The following DMRT1 variants were observed in gnomAD, a reference collection of about 807,000 sequenced individuals.
The protein encoded by DMRT1 is doublesex- and mab-3-related transcription factor 1.
A neutral mutation model predicts 32.3 loss-of-function variants in DMRT1; 7 were observed. The ratio of observed to expected loss-of-function variants is 0.22; its 90% CI spans 0.12 to 0.41. The LOEUF (loss-of-function observed/expected upper bound fraction) is 0.41, where lower values mean the gene tolerates loss of function less well. DMRT1 is among the 10% of genes least tolerant of loss of function. The pLI, the probability that DMRT1 is intolerant of heterozygous loss-of-function variation, is 1.00. For synonymous variants in DMRT1, 278 were observed against 206.1 expected, an observed-to-expected ratio of 1.35 and a Z score of -2.99; for missense variants, 625 against 500.5, an observed-to-expected ratio of 1.25 and a Z score of -2.37.
At chr9:913,650 T>C (rs1030663229) in intron 3 of DMRT1, among the ~76,000 whole-genome samples, 19 of 152,088 alleles carry the variant, frequency 1.2e-4, no homozygotes, top group African/African-American at 4.3e-4. Flanking sequence ...ATCTCAGCAC[T>C]TTGGGATGCC....
At chr9:921,191 A>G (rs759291039) in intron 4 of DMRT1, among the ~76,000 whole-genome samples, 1 of 151,912 alleles carries the variant, frequency 6.6e-6, no homozygotes, top group East Asian at 1.9e-4. Flanking sequence ...GTAATCACTA[A>G]TCTGCTTTCT....
rs376663377 is a variant in DMRT1, at chr9:861,985, A to G, written c.538+14842A>G. On this transcript the variant is annotated intron_variant, in intron 2 of 4. Transcript: ENST00000382276. Reference sequence around the variant, plus strand: ...CGCTCCTCACTTCCTAGACGGGATGACGGCCGGGAAGAGGTGCTCCTCACT... The same window carrying G: ...CGCTCCTCACTTCCTAGACGGGATGGCGGCCGGGAAGAGGTGCTCCTCACT... Among the ~76,000 whole-genome samples the G allele has an allele frequency of 3.1e-4, 39 of 126,578 alleles. 1 individual carries two copies. The South Asian group carries it at 6.9e-3, about 22-fold the overall frequency. The allele number at this position is 126,578 out of a possible 152,430, so 83.0% of individuals were successfully genotyped here. A position where few individuals can be genotyped will look rare whatever the true frequency, so the allele number is the denominator to read the frequency against.
chr9:921,944 A>G (rs911296849), intron 4 of DMRT1, among the ~76,000 whole-genome samples: 2 of 152,194 alleles, frequency 1.3e-5, no homozygotes, highest in African/African-American at 4.8e-5. Flanking sequence ...GCAGGGGTGC[A>G]ATCATAGCTC....
At chr9:908,663 G>A (rs1315073631) in intron 3 of DMRT1, among the ~76,000 whole-genome samples, 1 of 151,022 alleles carries the variant, frequency 6.6e-6, no homozygotes, top group African/African-American at 2.4e-5. Context: ...ACTTTCCTTT[G>A]GTTCTTTTTT....
chr9:876,422 A>G (rs1381814005), intron 2 of DMRT1, among the ~76,000 whole-genome samples: 2 of 152,146 alleles, frequency 1.3e-5, no homozygotes, highest in African/African-American at 4.8e-5. Context: ...TTTGGAGCTT[A>G]AGAACTTGAC....
At chr9:893,867 T>G in intron 2 of DMRT1, 45 bp from the exon 3 acceptor site, 1 of 1,579,726 alleles carries the variant, frequency 6.3e-7, no homozygotes, top group African/African-American at 1.3e-5. Context: ...TTTCGTGGAC[T>G]AACATTAATA....
chr9:898,181 G>A (rs1316399114), intron 3 of DMRT1, among the ~76,000 whole-genome samples: 8 of 152,026 alleles, frequency 5.3e-5, no homozygotes, highest in Non-Finnish European at 5.9e-5. Context: ...GTGCAGTGGC[G>A]TGATCTTGGC....
At chr9:964,333 CTGTT>C (rs1307427328) in intron 4 of DMRT1, among the ~76,000 whole-genome samples, 1 of 151,914 alleles carries the variant, frequency 6.6e-6, no homozygotes, top group East Asian at 1.9e-4. Context: ...GTAAGGTTTT[CTGTT>C]TATTTTTAAA....
chr9:968,183 T>A lies in DMRT1; in HGVS notation c.*44T>A. 6.2e-7 allele frequency: 1 copy of A among 1,610,336 alleles called. No homozygotes were observed. The highest frequency in any genetic ancestry group is 8.5e-7 in the Non-Finnish European group (1 of 1,178,278). ...GGCGGTTCACTTGGAGTAACAGGCT[T>A]ATTCCACTTTCCATGGGGTTTGTTA... is the stretch of plus-strand genomic sequence containing the variant. On this transcript the variant is annotated 3_prime_UTR_variant, in exon 5 of 5. Coordinates refer to ENST00000382276, the MANE Select transcript of DMRT1 (RefSeq NM_021951.3).
At chr9:887,618 G>A (rs897015746) in intron 2 of DMRT1, among the ~76,000 whole-genome samples, 4 of 151,918 alleles carry the variant, frequency 2.6e-5, no homozygotes, top group Non-Finnish European at 5.9e-5. Context: ...CTCTCCTTTG[G>A]GCCTCTGTTG....
intron 2 of DMRT1, among the ~76,000 whole-genome samples, chr9:881,713 T>G (rs1768604378): frequency 1.3e-5 from 2 of 152,224 alleles, no homozygotes; most frequent in African/African-American, 4.8e-5. Flanking sequence ...GTACGAAATA[T>G]TTAAAAGGTT....
At chr9:869,370 C>G (rs1305172262) in intron 2 of DMRT1, among the ~76,000 whole-genome samples, 1 of 152,234 alleles carries the variant, frequency 6.6e-6, no homozygotes, top group Non-Finnish European at 1.5e-5. Flanking sequence ...GTGTACTCAT[C>G]TGCACCTTTC....
intron 3 of DMRT1, among the ~76,000 whole-genome samples, chr9:913,898 A>G (rs879367545): frequency 1.8e-4 from 28 of 151,970 alleles, no homozygotes; most frequent in Admixed American, 1.8e-3. Flanking sequence ...GTCTCAAACA[A>G]TTTTTTTTAA....
At chr9:941,314 C>T (rs77932949) in intron 4 of DMRT1, among the ~76,000 whole-genome samples, 1,554 of 145,122 alleles carry the variant, frequency 0.011, 28 homozygotes, top group African/African-American at 0.04. Flanking sequence ...TGAGCGTGTG[C>T]GCACACACAC....
At chr9:918,324 T>G (rs1245995841) in intron 4 of DMRT1, among the ~76,000 whole-genome samples, 1 of 152,230 alleles carries the variant, frequency 6.6e-6, no homozygotes, top group Non-Finnish European at 1.5e-5. Flanking sequence ...TGCCTGAGCT[T>G]CTTACACCAG....
intron 3 of DMRT1, among the ~76,000 whole-genome samples, chr9:911,231 C>G (rs1490182883): frequency 6.6e-6 from 1 of 152,060 alleles, no homozygotes; most frequent in Non-Finnish European, 1.5e-5. Context: ...CAACTCCCTG[C>G]CCCCTTGTCA....
intron 2 of DMRT1, among the ~76,000 whole-genome samples, chr9:870,516 T>C (rs1392703430): frequency 6.6e-6 from 1 of 152,178 alleles, no homozygotes; most frequent in Non-Finnish European, 1.5e-5. Flanking sequence ...TTCACTAAGC[T>C]TAGCTCTTCA....
chr9:909,386 G>A (rs963666544), intron 3 of DMRT1, among the ~76,000 whole-genome samples: 1 of 152,112 alleles, frequency 6.6e-6, no homozygotes, highest in Non-Finnish European at 1.5e-5. Flanking sequence ...GAAGGTGAAC[G>A]GGGCTTTTTG....
chr9:873,356 A>G (rs1222950955), intron 2 of DMRT1, among the ~76,000 whole-genome samples: 2 of 150,384 alleles, frequency 1.3e-5, no homozygotes, highest in Non-Finnish European at 1.5e-5. Flanking sequence ...CCCAGGCTGG[A>G]GTGCAGTGGC....
Sources: allele counts gnomAD v4.1 joint callset (sites outside exome capture counted in the v4.1 genomes callset), GRCh38; gene constraint gnomAD v4.1.1; transcripts MANE v1.5; gene names NCBI Gene and HGNC (gene_info 2026-07-23, HGNC 2026-07-21).